Variants in LDB2 observed in about 807,000 individuals in gnomAD.
The protein encoded by LDB2 is LIM domain binding 2, also known as LIM domain-binding protein 2.
Under a neutral mutation model 44.3 loss-of-function variants are expected in LDB2, and 12 were observed. The ratio of observed to expected loss-of-function variants is 0.27; its 90% CI spans 0.17 to 0.44. The LOEUF (loss-of-function observed/expected upper bound fraction) is 0.44. Among genes scored for constraint, LDB2 ranks in the 20% least tolerant of loss-of-function variants. The probability of loss-of-function intolerance (pLI) is 1.00; values close to 1 mark genes in which losing one functional copy is unlikely to be tolerated. For synonymous variants in LDB2, 164 were observed against 174.8 expected (o/e 0.94, Z 0.49); for missense variants, 344 against 473.5 (o/e 0.73, Z 2.54).
chr4:16,617,617 C>T (rs140258609), intron 2 of LDB2, among the ~76,000 whole-genome samples: 28 of 152,192 alleles, frequency 1.8e-4, no homozygotes, highest in East Asian at 1.5e-3. Context: ...GCCATAGCAC[C>T]GCAAGAGGTC....
chr4:16,589,978 A>G lies in LDB2; in HGVS notation c.409-1146T>C, dbSNP rs1193029155. On this transcript the variant is annotated intron_variant, in intron 3 of 7. Transcript: ENST00000304523. ...GAAAATTCATTAAATAAAGTTATGT[A>G]CGTAGGCTACCTGGAATTGTGCCTG... is the stretch of plus-strand genomic sequence containing the variant. 5.9e-5 allele frequency among the ~76,000 whole-genome samples: 9 copies of G among 152,294 alleles called. No individual in the cohort carries two copies. In the East Asian group the frequency reaches 1.5e-3, roughly 26 times the overall value.
chr4:16,867,579 T>C (rs758524678), intron 1 of LDB2, among the ~76,000 whole-genome samples: 3 of 152,176 alleles, frequency 2.0e-5, no homozygotes, highest in Non-Finnish European at 2.9e-5. Flanking sequence ...TTTGTAGTGT[T>C]TTCTAGGTAA....
At chr4:16,508,434 G>GCT in intron 7 of LDB2, 101 bp downstream of exon 7, 1 of 1,053,782 alleles carries the variant, frequency 9.5e-7, no homozygotes, top group Non-Finnish European at 1.3e-6. Flanking sequence ...ACCTGCCCAG[G>GCT]ATTTTTTTTT....
chr4:16,744,478 C>T (rs893535273), intron 2 of LDB2, among the ~76,000 whole-genome samples: 3 of 140,204 alleles, frequency 2.1e-5, no homozygotes. Context: ...TTTTTTTTTG[C>T]TTGTTTTTTG....
chr4:16,551,525 T>C (rs546620977), intron 5 of LDB2, among the ~76,000 whole-genome samples: 141 of 152,254 alleles, frequency 9.3e-4, no homozygotes, highest in African/African-American at 3.2e-3. Flanking sequence ...ATTTTTTATT[T>C]ATTTATTTTT....
chr4:16,611,666 A>G (rs557549111), intron 2 of LDB2, among the ~76,000 whole-genome samples: 2 of 152,234 alleles, frequency 1.3e-5, no homozygotes, highest in Admixed American at 6.5e-5. Flanking sequence ...AGAGCTAACT[A>G]TCTTAAATAT....
chr4:16,659,671 G>GTGTGTGTATA (rs1315288524), intron 2 of LDB2, among the ~76,000 whole-genome samples: 5 of 133,514 alleles, frequency 3.7e-5, no homozygotes, highest in African/African-American at 1.2e-4. Context: ...ATCTATGTGT[G>GTGTGTGTATA]TATATATATA....
At chr4:16,592,465 C>CATACATACAT (rs1260473942) in intron 3 of LDB2, among the ~76,000 whole-genome samples, 1 of 116,604 alleles carries the variant, frequency 8.6e-6, no homozygotes, top group African/African-American at 3.6e-5. Context: ...ATTATACATA[C>CATACATACAT]ATATATATAT....
intron 2 of LDB2, among the ~76,000 whole-genome samples, chr4:16,726,041 T>A (rs1759384295): frequency 6.6e-6 from 1 of 150,958 alleles, no homozygotes. Flanking sequence ...TTGTTTAACG[T>A]TTTCTTTAAA....
At chr4:16,747,985 G>C (rs1764721988) in intron 2 of LDB2, among the ~76,000 whole-genome samples, 2 of 152,198 alleles carry the variant, frequency 1.3e-5, no homozygotes, top group African/African-American at 4.8e-5. Flanking sequence ...ATTATTCAAA[G>C]GCAGGAATAA....
At position 16,637,275 on chromosome 4, in the gene LDB2, C is replaced by G. The variant is rs28620234; in HGVS notation, c.236-41400G>C. 5.0e-3 allele frequency among the ~76,000 whole-genome samples: 637 copies of G among 127,246 alleles called. 4 individuals carry two copies. Among genetic ancestry groups the G allele is most frequent in the Middle Eastern group, 0.019 (4 of 216 alleles). 83.5% of individuals were successfully genotyped at this position (127,246 alleles called of 152,430 possible). Reference sequence around the variant, plus strand: ...TCTTTGTGAGAAAGGCTTGAATGCTCTATGGAAGTTCTTGCCTAGGCTGAT... The same window carrying G: ...TCTTTGTGAGAAAGGCTTGAATGCTGTATGGAAGTTCTTGCCTAGGCTGAT... On this transcript the variant is annotated intron_variant, in intron 2 of 7. Transcript: ENST00000304523.
rs368934726 is a variant in LDB2, at chr4:16,595,791, G to A, written c.320C>T (p.Ser107Leu). ...GGATGAGTTGTGGTATGACTCTTTC[G>A]AGTGTTTGAGAATGTAATACAGGTC... is the stretch of plus-strand genomic sequence containing the variant. Reference protein sequence around the residue: ...VTDLYYILKHSKESYHNSSIT... With the variant: ...VTDLYYILKHLKESYHNSSIT... Residue 107 changes from serine to leucine, a missense_variant, in exon 3 of 8, where the codon TCG (serine) becomes TTG (leucine). This residue lies in a region of LDB2 where 226 missense variants were observed against 270.1 expected (regional missense o/e 0.84). Transcript: ENST00000304523. 1.2e-5 allele frequency: 19 copies of A among 1,613,480 alleles called. No homozygotes were observed. The highest frequency in any genetic ancestry group is 1.3e-5 in the African/African-American group (1 of 74,784).
intron 2 of LDB2, among the ~76,000 whole-genome samples, chr4:16,686,004 A>G (rs1264800744): frequency 6.6e-6 from 1 of 152,184 alleles, no homozygotes; most frequent in Non-Finnish European, 1.5e-5. Context: ...GTGAGCTGAG[A>G]TCGTGCCACT....
At chr4:16,637,466 A>C (rs529470504) in intron 2 of LDB2, among the ~76,000 whole-genome samples, 1 of 152,130 alleles carries the variant, frequency 6.6e-6, no homozygotes, top group South Asian at 2.1e-4. Flanking sequence ...CATTAATTCC[A>C]CAAGTCTTTA....
At chr4:16,623,442 A>G (rs1297846226) in intron 2 of LDB2, among the ~76,000 whole-genome samples, 5 of 152,092 alleles carry the variant, frequency 3.3e-5, no homozygotes, top group Non-Finnish European at 5.9e-5. Context: ...TACTGAAAAT[A>G]CAAAATTAGC....
At chr4:16,818,648 T>C (rs1025387969) in intron 1 of LDB2, among the ~76,000 whole-genome samples, 7 of 152,234 alleles carry the variant, frequency 4.6e-5, no homozygotes, top group Admixed American at 2.0e-4. Flanking sequence ...CTTGTTACGA[T>C]GAGGGTTTAA....
chr4:16,674,338 C>G (rs1419295981), intron 2 of LDB2: 2 of 1,161,018 alleles, frequency 1.7e-6, no homozygotes, highest in Non-Finnish European at 2.3e-6. Context: ...AGACAGTGCT[C>G]TTTGTCTCTG....
At chr4:16,692,076 T>C (rs1185312739) in intron 2 of LDB2, among the ~76,000 whole-genome samples, 1 of 151,952 alleles carries the variant, frequency 6.6e-6, no homozygotes, top group African/African-American at 2.4e-5. Context: ...TGAATTATCA[T>C]AAACACAGAT....
chr4:16,743,119 C>A (rs1448186722), intron 2 of LDB2, among the ~76,000 whole-genome samples: 1 of 152,002 alleles, frequency 6.6e-6, no homozygotes, highest in Non-Finnish European at 1.5e-5. Context: ...GTGAAACCCC[C>A]ATCTCTACTA....
Sources: allele counts gnomAD v4.1 joint callset (sites outside exome capture counted in the v4.1 genomes callset), GRCh38; gene constraint gnomAD v4.1.1; regional missense constraint gnomAD v4.1.1; transcripts MANE v1.5; gene names NCBI Gene and HGNC (gene_info 2026-07-23, HGNC 2026-07-21).